The following RTN4RL1 variants were observed in gnomAD, a reference collection of about 807,000 sequenced individuals.
RTN4RL1 encodes reticulon-4 receptor-like 1.
RTN4RL1 carries 7 observed loss-of-function variants against 25.6 expected under a neutral mutation model. The ratio of observed to expected loss-of-function variants is 0.27; its 90% CI spans 0.16 to 0.51. The LOEUF (loss-of-function observed/expected upper bound fraction) is 0.51, where lower values mean the gene tolerates loss of function less well. RTN4RL1 is among the 20% of genes least tolerant of loss of function. The pLI, the probability that RTN4RL1 is intolerant of heterozygous loss-of-function variation, is 0.97. For missense variants in RTN4RL1, 500 were observed against 615.6 expected (o/e 0.81, Z 1.99); for synonymous variants, 297 against 288.2 (o/e 1.03, Z -0.31).
chr17:2,006,027 G>T (rs1183743920), intron 1 of RTN4RL1, among the ~76,000 whole-genome samples: 1 of 151,866 alleles, frequency 6.6e-6, no homozygotes, highest in African/African-American at 2.4e-5. Flanking sequence ...TCGATCTCTT[G>T]ACCTCATGAT....
At chr17:2,002,143 G>C (rs898303846) in intron 1 of RTN4RL1, among the ~76,000 whole-genome samples, 3 of 151,872 alleles carry the variant, frequency 2.0e-5, no homozygotes, top group African/African-American at 4.8e-5. Context: ...TAGATAGTAC[G>C]AGATCTTAGG....
chr17:1,984,189 C>A (rs542641410), intron 1 of RTN4RL1, among the ~76,000 whole-genome samples: 3 of 152,220 alleles, frequency 2.0e-5, no homozygotes, highest in South Asian at 2.1e-4. Flanking sequence ...TATTCTCCCC[C>A]CTAAAATGCA....
At chr17:2,022,055 C>T (rs2067214186) in intron 1 of RTN4RL1, among the ~76,000 whole-genome samples, 1 of 151,166 alleles carries the variant, frequency 6.6e-6, no homozygotes, top group African/African-American at 2.4e-5. Flanking sequence ...TGACTCACAC[C>T]TGTAATCCCA....
chr17:1,943,539 T>A (rs1270667876), intron 1 of RTN4RL1, among the ~76,000 whole-genome samples: 1 of 152,064 alleles, frequency 6.6e-6, no homozygotes, highest in Admixed American at 6.6e-5. Flanking sequence ...TCTCTCCCCC[T>A]CCCCGCTTTC....
At chr17:1,961,947 C>CAAAA (rs368701033) in intron 1 of RTN4RL1, among the ~76,000 whole-genome samples, 1 of 105,030 alleles carries the variant, frequency 9.5e-6, no homozygotes, top group African/African-American at 3.6e-5. Context: ...GACTCTGCCT[C>CAAAA]AAAAAAAAAA....
At chr17:1,955,176 G>C (rs1915766262) in intron 1 of RTN4RL1, among the ~76,000 whole-genome samples, 1 of 152,172 alleles carries the variant, frequency 6.6e-6, no homozygotes, top group Non-Finnish European at 1.5e-5. Context: ...GTAGCATTTA[G>C]CATAGGCCTT....
At chr17:1,949,289 G>A (rs1915628693) in intron 1 of RTN4RL1, among the ~76,000 whole-genome samples, 1 of 151,762 alleles carries the variant, frequency 6.6e-6, no homozygotes. Context: ...TAGAGACGGG[G>A]TTTCACCATG....
intron 1 of RTN4RL1, among the ~76,000 whole-genome samples, chr17:1,995,426 CA>C (rs1036512075): frequency 0.048 from 3,066 of 63,266 alleles, 69 homozygotes; most frequent in African/African-American, 0.15. Flanking sequence ...AACTCTGTCT[CA>C]AAAAAAAAAA....
In RTN4RL1 at chr17:2,025,059, G is replaced by A. The variant is rs2151333964; in HGVS notation, c.-194C>T. ...CCAGCCCCGCGCCGAGGGCACCGGC[G>A]CCCGCAAGCAACCGTGGTGCTGCCC... On this transcript the variant is annotated 5_prime_UTR_variant, in exon 1 of 2. Coordinates refer to ENST00000331238, the MANE Select transcript of RTN4RL1 (RefSeq NM_178568.4). This position sits in a 1 kb window ranked among gnomAD's most constrained non-coding sequence, Gnocchi z 4.8. 1 of 457,876 alleles carries A rather than the reference G, an allele frequency of 2.2e-6. No homozygotes were observed. Among genetic ancestry groups the A allele is most frequent in the Non-Finnish European group, 3.8e-6 (1 of 265,260 alleles). 28.4% of individuals were successfully genotyped at this position (457,876 alleles called of 1,614,324 possible).
chr17:2,025,066 A>T lies in RTN4RL1; in HGVS notation c.-201T>A, dbSNP rs1466198743. 1 of 448,190 alleles carries T rather than the reference A, an allele frequency of 2.2e-6. No individual in the cohort carries two copies. Among genetic ancestry groups the T allele is most frequent in the Non-Finnish European group, 3.9e-6 (1 of 257,384 alleles). 27.8% of individuals were successfully genotyped at this position (448,190 alleles called of 1,614,324 possible). On this transcript the variant is annotated 5_prime_UTR_variant, in exon 1 of 2. In the 5' UTR this introduces an upstream ATG that the reference lacks. Coordinates refer to ENST00000331238, the MANE Select transcript of RTN4RL1 (RefSeq NM_178568.4). The surrounding 1 kb of genome is among the most constrained non-coding windows in gnomAD (Gnocchi z 4.8). ...CGCGCCGAGGGCACCGGCGCCCGCA[A>T]GCAACCGTGGTGCTGCCCGGCAGCC...
chr17:2,017,531 G>A (rs566840158), intron 1 of RTN4RL1, among the ~76,000 whole-genome samples: 11 of 152,344 alleles, frequency 7.2e-5, no homozygotes, highest in South Asian at 4.1e-4. Context: ...GCTCACCATC[G>A]TGCCACGGCA....
At chr17:1,952,768 G>A (rs996173550) in intron 1 of RTN4RL1, among the ~76,000 whole-genome samples, 7 of 151,852 alleles carry the variant, frequency 4.6e-5, no homozygotes, top group African/African-American at 1.7e-4. Flanking sequence ...CTCCTGCCGG[G>A]GGTGAGTCTT....
chr17:1,945,315 C>T (rs1037699540), intron 1 of RTN4RL1, among the ~76,000 whole-genome samples: 28 of 152,148 alleles, frequency 1.8e-4, no homozygotes, highest in African/African-American at 6.5e-4. Context: ...CTCCACCTCC[C>T]GGGTTCAAGC....
chr17:1,942,683 T>C (rs1410057594), intron 1 of RTN4RL1, among the ~76,000 whole-genome samples: 1 of 151,988 alleles, frequency 6.6e-6, no homozygotes. Context: ...TTTCTGCAAA[T>C]CCCCAAGTCC....
intron 1 of RTN4RL1, among the ~76,000 whole-genome samples, chr17:1,959,388 TCTC>T (rs1915852951): frequency 6.6e-6 from 1 of 152,106 alleles, no homozygotes; most frequent in Non-Finnish European, 1.5e-5. Context: ...TTTCTTCTCT[TCTC>T]TTCAGAGACC....
At chr17:1,993,141 G>C (rs1008573919) in intron 1 of RTN4RL1, among the ~76,000 whole-genome samples, 1 of 152,134 alleles carries the variant, frequency 6.6e-6, no homozygotes, top group Non-Finnish European at 1.5e-5. Context: ...CCAGCTATTC[G>C]GGAGGCTGAG....
intron 1 of RTN4RL1, among the ~76,000 whole-genome samples, chr17:2,017,297 T>G (rs2151329361): frequency 6.6e-6 from 1 of 152,322 alleles, no homozygotes; most frequent in East Asian, 1.9e-4. Flanking sequence ...CTCACGTAGT[T>G]GTCACCATGA....
At chr17:2,017,775 T>C (rs911798445) in intron 1 of RTN4RL1, 3 of 152,342 alleles carry the variant, frequency 2.0e-5, no homozygotes, top group African/African-American at 7.2e-5. Context: ...CTCTCCTGAA[T>C]CAGATAGCAG....
intron 1 of RTN4RL1, among the ~76,000 whole-genome samples, chr17:1,964,263 T>C (rs2066779057): frequency 6.6e-6 from 1 of 152,220 alleles, no homozygotes; most frequent in African/African-American, 2.4e-5. Context: ...GATATTGCAA[T>C]ATCATATTTT....
Sources: allele counts gnomAD v4.1 joint callset (sites outside exome capture counted in the v4.1 genomes callset), GRCh38; gene constraint gnomAD v4.1.1; non-coding constraint Gnocchi (gnomAD v3.1); transcripts MANE v1.5; gene names NCBI Gene and HGNC (gene_info 2026-07-23, HGNC 2026-07-21).